The following CFAP221 variants were observed in gnomAD, a reference collection of about 807,000 sequenced individuals.
CFAP221 encodes cilia and flagella associated protein 221, also known as cilia- and flagella-associated protein 221.
Under a neutral mutation model 113.1 loss-of-function variants are expected in CFAP221, and 97 were observed. The observed-to-expected ratio is 0.86, with a 90% CI of 0.73 to 1.02. The LOEUF is 1.02. Ranked by LOEUF, CFAP221 falls within the 50% of genes least tolerant of loss-of-function variation. The pLI, the probability that CFAP221 is intolerant of heterozygous loss-of-function variation, is 0.00. For missense variants in CFAP221, 1,025 were observed against 1,013.4 expected, an observed-to-expected ratio of 1.01 and a Z score of -0.16; for synonymous variants, 331 against 354.4, an observed-to-expected ratio of 0.93 and a Z score of 0.74.
At chr2:119,628,313 G>GTGTGTGTGTGTGTGTC (rs1686515185) in intron 16 of CFAP221, among the ~76,000 whole-genome samples, 1 of 151,712 alleles carries the variant, frequency 6.6e-6, no homozygotes, top group African/African-American at 2.4e-5. Context: ...GTGTGTGTGT[G>GTGTGTGTGTGTGTGTC]TGTGTGTGTG....
intron 21 of CFAP221, among the ~76,000 whole-genome samples, chr2:119,644,386 G>A (rs926446025): frequency 6.6e-6 from 1 of 152,110 alleles, no homozygotes; most frequent in South Asian, 2.1e-4. Flanking sequence ...CCTGGCGAGC[G>A]GCCCAGACCC....
At chr2:119,617,616 C>T (rs1337390773) in intron 14 of CFAP221, among the ~76,000 whole-genome samples, 1 of 152,208 alleles carries the variant, frequency 6.6e-6, no homozygotes, top group Non-Finnish European at 1.5e-5. Context: ...GTTCTATGTG[C>T]CAATGTGTCG....
intron 19 of CFAP221, among the ~76,000 whole-genome samples, chr2:119,637,716 T>C (rs1393087909): frequency 6.6e-6 from 1 of 152,126 alleles, no homozygotes; most frequent in Non-Finnish European, 1.5e-5. Flanking sequence ...AAAAACAGGA[T>C]CTCCCTTAAA....
intron 6 of CFAP221, 26 bp from the exon 7 acceptor site, chr2:119,587,093 T>G: frequency 7.0e-7 from 1 of 1,438,232 alleles, no homozygotes; most frequent in Non-Finnish European, 9.3e-7. Flanking sequence ...ATAATATTTT[T>G]ATTTTCTTTT....
At chr2:119,603,744 T>C (rs550012545) in intron 8 of CFAP221, among the ~76,000 whole-genome samples, 1 of 152,214 alleles carries the variant, frequency 6.6e-6, no homozygotes, top group South Asian at 2.1e-4. Flanking sequence ...ATTTTCAAAA[T>C]CGTAACTTTG....
At chr2:119,558,844 A>T (rs1417886264) in intron 3 of CFAP221, among the ~76,000 whole-genome samples, 1 of 151,988 alleles carries the variant, frequency 6.6e-6, no homozygotes, top group Non-Finnish European at 1.5e-5. Flanking sequence ...CAAAAAACCA[A>T]CAACAACAAC....
chr2:119,657,455 T>G (rs1688481269), downstream of CFAP221, among the ~76,000 whole-genome samples: 1 of 152,188 alleles, frequency 6.6e-6, no homozygotes, highest in Admixed American at 6.5e-5. Flanking sequence ...AACATGAAAG[T>G]TGCCCTTCAC....
At chr2:119,640,021 G>A (rs1202065869) in intron 21 of CFAP221, 149 bp downstream of exon 21, 1 of 644,534 alleles carries the variant, frequency 1.6e-6, no homozygotes, top group South Asian at 2.2e-5. Flanking sequence ...TTGATGATGT[G>A]TAACTGATTT....
At chr2:119,586,901 C>T in intron 6 of CFAP221, 1 of 403,950 alleles carries the variant, frequency 2.5e-6, no homozygotes, top group Admixed American at 4.3e-5. Context: ...TCAGTTTCCT[C>T]TTCTGTAAGT....
At chr2:119,585,878 G>A (rs1683187561) in intron 6 of CFAP221, among the ~76,000 whole-genome samples, 1 of 152,204 alleles carries the variant, frequency 6.6e-6, no homozygotes, top group Admixed American at 6.5e-5. Context: ...ACACTGGGCA[G>A]GTAGGGAAGC....
At chr2:119,574,887 C>T (rs2104580241) in intron 6 of CFAP221, among the ~76,000 whole-genome samples, 1 of 152,306 alleles carries the variant, frequency 6.6e-6, no homozygotes, top group South Asian at 2.1e-4. Context: ...TTCTTATATA[C>T]TGCAATTTCA....
At chr2:119,592,879 G>A (rs559502784) in intron 7 of CFAP221, among the ~76,000 whole-genome samples, 1 of 152,212 alleles carries the variant, frequency 6.6e-6, no homozygotes, top group Non-Finnish European at 1.5e-5. Flanking sequence ...GGTGAATTCT[G>A]GATGCCCTCA....
intron 14 of CFAP221, among the ~76,000 whole-genome samples, chr2:119,622,902 A>G (rs1176268031): frequency 6.6e-6 from 1 of 152,192 alleles, no homozygotes; most frequent in African/African-American, 2.4e-5. Flanking sequence ...ACAAACCCAC[A>G]GCCAATATCA....
chr2:119,584,745 T>A (rs543397858), intron 6 of CFAP221, among the ~76,000 whole-genome samples: 3 of 152,198 alleles, frequency 2.0e-5, no homozygotes, highest in Admixed American at 6.5e-5. Flanking sequence ...GAAAGTGAAA[T>A]GAGATGCCAT....
At chr2:119,588,045 GAA>G (rs779217127) in intron 7 of CFAP221, among the ~76,000 whole-genome samples, 12 of 152,182 alleles carry the variant, frequency 7.9e-5, no homozygotes, top group Non-Finnish European at 1.3e-4. Flanking sequence ...TTTTCAGAGA[GAA>G]GAGGTTTATT....
At chr2:119,582,329 A>T (rs1360833720) in intron 6 of CFAP221, among the ~76,000 whole-genome samples, 1 of 152,204 alleles carries the variant, frequency 6.6e-6, no homozygotes, top group African/African-American at 2.4e-5. Context: ...TCAACATAGC[A>T]TATACAAGAT....
At chr2:119,600,096 G>A (rs1032588389) in intron 7 of CFAP221, among the ~76,000 whole-genome samples, 2 of 152,148 alleles carry the variant, frequency 1.3e-5, no homozygotes, top group African/African-American at 4.8e-5. Flanking sequence ...GCAAACCTAA[G>A]AGCCTTCAGT....
chr2:119,644,905 T>A (rs1159857248), intron 21 of CFAP221, among the ~76,000 whole-genome samples: 1 of 152,150 alleles, frequency 6.6e-6, no homozygotes. Flanking sequence ...TTACTCAATC[T>A]TATAATACAT....
intron 7 of CFAP221, among the ~76,000 whole-genome samples, chr2:119,587,608 T>C (rs1202806010): frequency 1.3e-5 from 2 of 152,220 alleles, no homozygotes; most frequent in African/African-American, 4.8e-5. Context: ...GTAGACAGTA[T>C]GTTTTTGCAT....
Sources: gnomAD v4.1 joint callset for allele counts (sites outside exome capture counted in the v4.1 genomes callset) on GRCh38, gnomAD v4.1.1 for gene constraint, MANE v1.5 for transcripts, NCBI Gene and HGNC (gene_info 2026-07-23, HGNC 2026-07-21) for gene names.